The following HMCN2 variants were observed in gnomAD, a reference collection of about 807,000 sequenced individuals.
HMCN2 encodes hemicentin-2.
Under a neutral mutation model 377.5 loss-of-function variants are expected in HMCN2, and 325 were observed. The ratio of observed to expected loss-of-function variants is 0.86; its 90% CI spans 0.79 to 0.94. The LOEUF is 0.94. Among genes scored for constraint, HMCN2 ranks in the 40% least tolerant of loss-of-function variants. The probability of loss-of-function intolerance (pLI) is 0.00; values close to 1 mark genes in which losing one functional copy is unlikely to be tolerated. For missense variants in HMCN2, 4,543 were observed against 4,725.3 expected (o/e 0.96, Z 1.13); for synonymous variants, 2,007 against 2,046.8 (o/e 0.98, Z 0.53).
At chr9:130,344,612 G>T (rs973680025) in intron 25 of HMCN2, among the ~76,000 whole-genome samples, 3 of 150,862 alleles carry the variant, frequency 2.0e-5, no homozygotes, top group African/African-American at 7.3e-5. Context: ...GTATGGTGTT[G>T]TGTGTAGTGT....
chr9:130,428,415 A>G lies in HMCN2; in HGVS notation c.14123A>G (p.Asn4708Ser). The G allele has an allele frequency of 5.8e-6, 9 of 1,547,304 alleles. No homozygotes were observed. Among genetic ancestry groups the G allele is most frequent in the Non-Finnish European group, 7.0e-6 (8 of 1,146,914 alleles). The change falls in exon 93 of 98, where the codon AAC (asparagine) becomes AGC (serine). Residue 4708 changes from asparagine (N) to serine (S), a missense_variant. Asn to Ser is a conservative substitution (Grantham distance 46). Coordinates refer to ENST00000683500, the MANE Select transcript of HMCN2 (RefSeq NM_001291815.2). The surrounding 1 kb of genome is among the most constrained non-coding windows in gnomAD (Gnocchi z 5.0). ...TGCCGAGAGGGACAGCGCTGTGTGA[A>G]CCTGCTCGGGTCCTACCGCTGCCTC... ...HLCREGQRCV[N>S]LLGSYRCLPD... is the part of the protein sequence containing the mutation.
chr9:130,365,278 C>T (rs534778408), intron 41 of HMCN2, among the ~76,000 whole-genome samples: 23 of 152,264 alleles, frequency 1.5e-4, no homozygotes, highest in Non-Finnish European at 3.2e-4. Context: ...CTCATTCCTC[C>T]ACCTTCTCTT....
chr9:130,290,105 C>A (rs1304097460), intron 4 of HMCN2, among the ~76,000 whole-genome samples: 1 of 152,158 alleles, frequency 6.6e-6, no homozygotes, highest in African/African-American at 2.4e-5. Flanking sequence ...GCTCGCTGGT[C>A]CCCCAGCCCC....
chr9:130,358,340 G>A (rs1226790374), intron 35 of HMCN2, 50 bp from the exon 36 acceptor site: 86 of 1,302,738 alleles, frequency 6.6e-5, no homozygotes, highest in East Asian at 5.6e-4. Context: ...GCCATGTCCC[G>A]TCATCACTTG....
At chr9:130,397,336 C>T (rs1000481170) in intron 73 of HMCN2, among the ~76,000 whole-genome samples, 192 bp from the exon 74 acceptor site, 2 of 152,236 alleles carry the variant, frequency 1.3e-5, no homozygotes, top group African/African-American at 4.8e-5. Flanking sequence ...CAATCATCTC[C>T]TACCAGGTCC....
intron 66 of HMCN2, 35 bp downstream of exon 66, chr9:130,392,153 A>C (rs994429274): frequency 1.0e-5 from 10 of 986,926 alleles, no homozygotes; most frequent in Non-Finnish European, 8.4e-6. Context: ...TGGCTATTCC[A>C]CTCAGAGTGG....
intron 7 of HMCN2, among the ~76,000 whole-genome samples, chr9:130,298,341 A>G (rs1047247727): frequency 6.6e-6 from 1 of 152,152 alleles, no homozygotes; most frequent in South Asian, 2.1e-4. Flanking sequence ...CCTGGACAAC[A>G]CAGCAAGACC....
intron 19 of HMCN2, among the ~76,000 whole-genome samples, chr9:130,324,027 T>C (rs1837990064): frequency 6.6e-6 from 1 of 152,220 alleles, no homozygotes; most frequent in Non-Finnish European, 1.5e-5. Context: ...TTGTCAAATA[T>C]ACATAACATA....
intron 4 of HMCN2, among the ~76,000 whole-genome samples, chr9:130,293,303 G>GTTTT (rs1588186458): frequency 5.2e-5 from 4 of 77,306 alleles, no homozygotes; most frequent in Admixed American, 1.4e-4. Context: ...TTTTTTTTGC[G>GTTTT]GTTCTTGTTG....
chr9:130,277,734 C>T (rs1165350513), intron 1 of HMCN2, among the ~76,000 whole-genome samples: 1 of 146,522 alleles, frequency 6.8e-6, no homozygotes, highest in African/African-American at 2.5e-5. Flanking sequence ...CCACCACCAT[C>T]ATCATCACCA....
In HMCN2 at chr9:130,324,491, G is replaced by A. The variant is rs970966335; in HGVS notation, c.2921-1104G>A. Reference sequence around the variant, plus strand: ...CACTGTCAACATCCCCCACCAGGGCGGCCCGTTGTTAGCACTGAAGACACG... The same window carrying A: ...CACTGTCAACATCCCCCACCAGGGCAGCCCGTTGTTAGCACTGAAGACACG... On this transcript the variant is annotated intron_variant, in intron 19 of 97. Coordinates refer to ENST00000683500, the MANE Select transcript of HMCN2 (RefSeq NM_001291815.2). Among the ~76,000 whole-genome samples, 251 of 152,228 alleles carry A rather than the reference G, an allele frequency of 1.6e-3. 1 individual carries two copies. Among genetic ancestry groups the A allele is most frequent in the African/African-American group, 5.8e-3 (242 of 41,554 alleles).
intron 4 of HMCN2, among the ~76,000 whole-genome samples, chr9:130,287,047 C>G (rs1835450382): frequency 6.6e-6 from 1 of 152,182 alleles, no homozygotes; most frequent in African/African-American, 2.4e-5. Context: ...ACAAGCACAC[C>G]CATTTCCGTG....
chr9:130,395,331 A>G lies in HMCN2; in HGVS notation c.10895A>G (p.Asp3632Gly). The change falls in exon 71 of 98, where the codon GAC becomes GGC. Residue 3632 changes from aspartate (D) to glycine (G), a missense_variant. By Grantham distance (94) the Asp-to-Gly change is moderately conservative. This residue lies in a region of HMCN2 where 1,073 missense variants were observed against 1,319.5 expected (regional missense o/e 0.81). Coordinates refer to ENST00000683500, the MANE Select transcript of HMCN2 (RefSeq NM_001291815.2). ...GCGCCCAAGATCACGTGGCACCGAG[A>G]CGGCATTGTGCTGCAGGTGGGCGCC... ...EPAPKITWHR[D>G]GIVLQEDAHT... 7.8e-7 allele frequency: 1 copy of G among 1,288,806 alleles called. No homozygotes were observed. The highest frequency in any genetic ancestry group is 1.0e-6 in the Non-Finnish European group (1 of 988,450). 79.8% of individuals were successfully genotyped at this position (1,288,806 alleles called of 1,614,324 possible). A position where few individuals can be genotyped will look rare whatever the true frequency, so the allele number is the denominator to read the frequency against.
chr9:130,419,692 A>G (rs1391740709), intron 86 of HMCN2: 1 of 146,228 alleles, frequency 6.8e-6, no homozygotes, highest in Admixed American at 6.7e-5. Flanking sequence ...TCACTAATCT[A>G]TCACCACATG....
chr9:130,426,021 A>C, intron 90 of HMCN2, 97 bp downstream of exon 90: 30 of 891,572 alleles, frequency 3.4e-5, no homozygotes, highest in Non-Finnish European at 4.8e-5. Context: ...TGCCCCTAAC[A>C]TCCACTGACC....
rs902151018 is a variant in HMCN2, at chr9:130,417,826, C to T, written c.12962-946C>T. On this transcript the variant is annotated intron_variant, in intron 85 of 97. Transcript: ENST00000683500. ...CTGCAGCATCTGCAGGAAGCGAACA[C>T]ACAGGCACACAGCGCCCCACCTTGG... Among the ~76,000 whole-genome samples, 3 of 152,224 alleles carry T rather than the reference C, an allele frequency of 2.0e-5. No homozygotes were observed. In the East Asian group the frequency reaches 5.8e-4, roughly 29 times the overall value.
rs781799175 is a variant in HMCN2, at chr9:130,302,992, G to A, written c.1412G>A (p.Arg471Lys). The change falls in exon 9 of 98, where the codon AGG becomes AAG. Residue 471 changes from arginine to lysine, a missense_variant. Transcript: ENST00000683500. ...RRGEARLGEE[R>K]HFQESGNSSW... is the part of the protein sequence containing the mutation. ...GGTGAAGCCAGGCTGGGCGAAGAGA[G>A]GCACTTTCAGTGAGTGGCCCACGGC... 2 of 469,708 alleles carry A rather than the reference G, an allele frequency of 4.3e-6. No homozygotes were observed. The highest frequency in any genetic ancestry group is 3.1e-5 in the South Asian group (2 of 64,358). 29.1% of individuals were successfully genotyped at this position (469,708 alleles called of 1,614,324 possible).
chr9:130,375,551 C>T lies in HMCN2; in HGVS notation c.7631-12C>T, dbSNP rs956765105. The T allele has an allele frequency of 2.5e-5, 25 of 985,806 alleles. No homozygotes were observed. Among genetic ancestry groups the T allele is most frequent in the Middle Eastern group, 1.0e-3 (2 of 1,916 alleles). The allele number at this position is 985,806 out of a possible 1,614,324, so 61.1% of individuals were successfully genotyped here. ...CTCTGCTCATAACTGCCTCCCTGGC[C>T]CCCCATCACAGTGGCTCCCACCATC... On this transcript the variant is annotated splice_polypyrimidine_tract_variant and intron_variant, in intron 49 of 97. Coordinates refer to ENST00000683500, the MANE Select transcript of HMCN2 (RefSeq NM_001291815.2).
chr9:130,398,886 G>A (rs573981959), intron 75 of HMCN2, among the ~76,000 whole-genome samples, 179 bp downstream of exon 75: 1 of 152,252 alleles, frequency 6.6e-6, no homozygotes, highest in East Asian at 1.9e-4. Flanking sequence ...ATAGGGGTGA[G>A]GGCACTGGGG....
Sources: allele counts gnomAD v4.1 joint callset (sites outside exome capture counted in the v4.1 genomes callset), GRCh38; gene constraint gnomAD v4.1.1; regional missense constraint gnomAD v4.1.1; non-coding constraint Gnocchi (gnomAD v3.1); transcripts MANE v1.5; gene names NCBI Gene and HGNC (gene_info 2026-07-23, HGNC 2026-07-21).